PCDH9: variants seen among roughly 807,000 people sequenced by gnomAD.
PCDH9 encodes protocadherin 9.
Under a neutral mutation model 70.6 loss-of-function variants are expected in PCDH9, and 24 were observed. That is an observed-to-expected ratio of 0.34 (90% CI 0.25 to 0.48). The LOEUF is 0.48. Among genes scored for constraint, PCDH9 ranks in the 20% least tolerant of loss-of-function variants. PCDH9 has a pLI of 0.99. For synonymous variants in PCDH9, 562 were observed against 558.5 expected, an observed-to-expected ratio of 1.01 and a Z score of -0.09; for missense variants, 1,281 against 1,503.6, an observed-to-expected ratio of 0.85 and a Z score of 2.45.
At chr13:66,767,208 C>T (rs9571658) in intron 3 of PCDH9, among the ~76,000 whole-genome samples, 11,879 of 150,960 alleles carry the variant, frequency 0.079, 519 homozygotes, top group East Asian at 0.14. Context: ...AGTGACTTCC[C>T]GGCACTGTGC....
Position 66,599,715 on chromosome 13 carries a change from C to T in PCDH9, c.3340+31495G>A, listed in dbSNP as rs112952577. 6.3e-3 allele frequency among the ~76,000 whole-genome samples: 959 copies of T among 151,708 alleles called. 9 individuals are homozygous for T. Among genetic ancestry groups the T allele is most frequent in the African/African-American group, 0.022 (899 of 41,404 alleles). ...CAGCCTCACCTCAGCCTCAGCCTCC[C>T]GAGTAGTTGAGACTACTGCCTGCCT... On this transcript the variant is annotated intron_variant, in intron 4 of 4. Coordinates refer to ENST00000377865, the MANE Select transcript of PCDH9 (RefSeq NM_203487.3).
chr13:66,802,441 G>A (rs2080341778), intron 3 of PCDH9, among the ~76,000 whole-genome samples: 1 of 151,930 alleles, frequency 6.6e-6, no homozygotes, highest in Non-Finnish European at 1.5e-5. Context: ...TTTTACCTTA[G>A]GGATTTTAAG....
At chr13:67,054,610 T>A (rs1018883600) in intron 2 of PCDH9, among the ~76,000 whole-genome samples, 1 of 152,200 alleles carries the variant, frequency 6.6e-6, no homozygotes, top group African/African-American at 2.4e-5. Context: ...ACAATTATGT[T>A]AACATTCAAC....
chr13:66,452,201 G>A (rs988164423), intron 4 of PCDH9, among the ~76,000 whole-genome samples: 3 of 152,138 alleles, frequency 2.0e-5, no homozygotes, highest in Non-Finnish European at 4.4e-5. Flanking sequence ...AATGCTTTTT[G>A]AGGAGAGGAT....
intron 4 of PCDH9, among the ~76,000 whole-genome samples, chr13:66,342,022 G>A (rs960374751): frequency 1.3e-5 from 2 of 152,236 alleles, no homozygotes; most frequent in Non-Finnish European, 2.9e-5. Flanking sequence ...CTGTGGGCTG[G>A]GTGGGGACTG....
intron 3 of PCDH9, among the ~76,000 whole-genome samples, chr13:66,737,806 A>C (rs1256317408): frequency 2.0e-5 from 3 of 152,258 alleles, no homozygotes; most frequent in African/African-American, 7.2e-5. Flanking sequence ...AAAATGGCGC[A>C]CCACGAGACT....
At chr13:67,117,435 C>T (rs928400014) in intron 2 of PCDH9, among the ~76,000 whole-genome samples, 4 of 152,106 alleles carry the variant, frequency 2.6e-5, no homozygotes, top group Non-Finnish European at 5.9e-5. Flanking sequence ...GGTTCACATC[C>T]AGCTTTGTTC....
intron 3 of PCDH9, among the ~76,000 whole-genome samples, chr13:66,877,647 C>A (rs2081841812): frequency 6.6e-6 from 1 of 152,122 alleles, no homozygotes. Flanking sequence ...TCCCTCTAGG[C>A]ATCTTATGGT....
chr13:66,844,931 G>T (rs1166039633), intron 3 of PCDH9, among the ~76,000 whole-genome samples: 1 of 152,156 alleles, frequency 6.6e-6, no homozygotes, highest in Non-Finnish European at 1.5e-5. Context: ...TGCTTCACCA[G>T]CCAGAAAACT....
intron 4 of PCDH9, among the ~76,000 whole-genome samples, chr13:66,476,465 A>G (rs1226504447): frequency 6.6e-6 from 1 of 152,094 alleles, no homozygotes; most frequent in African/African-American, 2.4e-5. Flanking sequence ...CCATTTGATG[A>G]TTTGCAATCC....
intron 4 of PCDH9, among the ~76,000 whole-genome samples, chr13:66,543,818 T>A (rs1409212309): frequency 6.6e-6 from 1 of 152,132 alleles, no homozygotes; most frequent in African/African-American, 2.4e-5. Flanking sequence ...CTACAAGAGC[T>A]TTGTCTCTAA....
At chr13:66,372,512 A>T (rs76294963) in intron 4 of PCDH9, among the ~76,000 whole-genome samples, 165 of 151,766 alleles carry the variant, frequency 1.1e-3, no homozygotes, top group Non-Finnish European at 1.8e-3. Context: ...AAATGGTAGA[A>T]GCTAGATGGG....
At chr13:66,419,881 G>A (rs1363676501) in intron 4 of PCDH9, among the ~76,000 whole-genome samples, 1 of 151,778 alleles carries the variant, frequency 6.6e-6, no homozygotes, top group African/African-American at 2.4e-5. Flanking sequence ...TGGCTCAGCA[G>A]ATCCCACCCC....
intron 3 of PCDH9, among the ~76,000 whole-genome samples, chr13:66,737,219 T>A (rs114713835): frequency 0.015 from 2,304 of 152,200 alleles, 67 homozygotes; most frequent in African/African-American, 0.052. Context: ...ATTTTTCATA[T>A]AAAAACACGT....
chr13:66,801,665 G>T (rs2139341039), intron 3 of PCDH9, among the ~76,000 whole-genome samples: 1 of 152,140 alleles, frequency 6.6e-6, no homozygotes, highest in Non-Finnish European at 1.5e-5. Context: ...ATTCAAGAAA[G>T]AAAATGTTAT....
intron 2 of PCDH9, among the ~76,000 whole-genome samples, chr13:67,062,857 T>C (rs1264575604): frequency 6.6e-6 from 1 of 152,158 alleles, no homozygotes; most frequent in Non-Finnish European, 1.5e-5. Context: ...GATATATTCA[T>C]TTTCTTTCTT....
At chr13:67,064,937 T>TAGAC (rs2085616994) in intron 2 of PCDH9, among the ~76,000 whole-genome samples, 1 of 147,428 alleles carries the variant, frequency 6.8e-6, no homozygotes, top group Non-Finnish European at 1.5e-5. Context: ...GATAGATAGA[T>TAGAC]AGCAGAGAGG....
chr13:66,779,264 C>A (rs1165089792), intron 3 of PCDH9, among the ~76,000 whole-genome samples: 1 of 151,920 alleles, frequency 6.6e-6, no homozygotes, highest in East Asian at 1.9e-4. Context: ...ATCACCACCT[C>A]ATAAAAATAT....
intron 2 of PCDH9, among the ~76,000 whole-genome samples, chr13:67,103,303 T>C (rs1163095476): frequency 2.0e-5 from 3 of 152,168 alleles, no homozygotes; most frequent in African/African-American, 7.2e-5. Context: ...ACCTCTTTAT[T>C]TCTGTTTGGA....
Sources: gnomAD v4.1 joint callset for allele counts (sites outside exome capture counted in the v4.1 genomes callset) on GRCh38, gnomAD v4.1.1 for gene constraint, MANE v1.5 for transcripts, NCBI Gene and HGNC (gene_info 2026-07-23, HGNC 2026-07-21) for gene names.